Variants in ZNF518A observed in about 807,000 individuals in gnomAD.
The protein encoded by ZNF518A is zinc finger protein 518A.
In ZNF518A, 47 loss-of-function variants were observed where a neutral mutation model predicts 102.7. That is an observed-to-expected ratio of 0.46 (90% CI 0.36 to 0.58). The LOEUF (loss-of-function observed/expected upper bound fraction) is 0.58, where lower values mean the gene tolerates loss of function less well. Among genes scored for constraint, ZNF518A ranks in the 20% least tolerant of loss-of-function variants. The pLI, the probability that ZNF518A is intolerant of heterozygous loss-of-function variation, is 0.00. For missense variants in ZNF518A, 1,793 were observed against 1,699.8 expected (o/e 1.05, Z -0.96); for synonymous variants, 652 against 594.6 (o/e 1.10, Z -1.40).
intron 1 of ZNF518A, among the ~76,000 whole-genome samples, chr10:96,131,291 T>A (rs1377090885): frequency 1.3e-5 from 2 of 152,200 alleles, no homozygotes; most frequent in African/African-American, 4.8e-5. Context: ...GCAAGGGGTC[T>A]GATTTGAGTG....
intron 3 of ZNF518A, among the ~76,000 whole-genome samples, chr10:96,143,616 A>G (rs782741424): frequency 3.9e-5 from 6 of 152,192 alleles, no homozygotes; most frequent in Admixed American, 6.5e-5. Context: ...GTAGAAACCA[A>G]TGTGAGCTAG....
chr10:96,199,467 C>T (rs1331781543), intron 1 of ZNF518A: 1 of 459,316 alleles, frequency 2.2e-6, no homozygotes, highest in Non-Finnish European at 4.4e-6. Flanking sequence ...AGCACCAAGC[C>T]TTCCATAGAC....
Position 96,159,633 on chromosome 10 carries a change from C to T in ZNF518A, c.3311C>T (p.Ala1104Val). 2 of 1,613,748 alleles carry T rather than the reference C, an allele frequency of 1.2e-6. No homozygotes were observed. Among genetic ancestry groups the T allele is most frequent in the Non-Finnish European group, 1.7e-6 (2 of 1,179,762 alleles). Residue 1104 changes from alanine (A) to valine (V), a missense_variant, in exon 6 of 6, where the codon GCT becomes GTT. Physicochemically the swap from Ala to Val is moderately conservative, Grantham distance 64. This residue lies in a region of ZNF518A where 1,741 missense variants were observed against 1,622.6 expected (regional missense o/e 1.07). Transcript: ENST00000316045. ...ACCTTCTTGCCTGATGGCAAACAAG[C>T]TGTTTTTTTAAAGTGTGTGATGCCA... ...LYTFLPDGKQAVFLKCVMPNK... is the reference protein window; with the variant it reads ...LYTFLPDGKQVVFLKCVMPNK...
At chr10:96,151,783 T>A (rs2082461449) in intron 3 of ZNF518A, among the ~76,000 whole-genome samples, 1 of 152,242 alleles carries the variant, frequency 6.6e-6, no homozygotes, top group African/African-American at 2.4e-5. Context: ...AATGTTTTTC[T>A]AGTTCCTAGC....
At chr10:96,189,148 C>T (rs1228913527) in intron 1 of ZNF518A, among the ~76,000 whole-genome samples, 2 of 152,194 alleles carry the variant, frequency 1.3e-5, no homozygotes, top group African/African-American at 2.4e-5. Context: ...ACATTCCATA[C>T]ATATTTAAAA....
chr10:96,180,180 CTTTTTTTTTTTTT>C (rs60561670), intron 1 of ZNF518A, among the ~76,000 whole-genome samples: 2 of 96,282 alleles, frequency 2.1e-5, no homozygotes, highest in Non-Finnish European at 3.9e-5. Context: ...GCTCCAGCCT[CTTTTTTTTTTTTT>C]TTTTTTTTTT....
chr10:96,191,607 G>A (rs2083330974), intron 1 of ZNF518A: 1 of 197,694 alleles, frequency 5.1e-6, no homozygotes, highest in Non-Finnish European at 1.0e-5. Context: ...AGCTACATTA[G>A]TGTACCAATG....
At chr10:96,150,743 CT>C (rs10675397) in intron 3 of ZNF518A, among the ~76,000 whole-genome samples, 12 of 30,286 alleles carry the variant, frequency 4.0e-4, no homozygotes, top group South Asian at 5.3e-3. Context: ...TCTTTCTTTC[CT>C]TTTTTTTTTT....
chr10:96,160,243 T>C lies in ZNF518A; in HGVS notation c.3921T>C (p.Asp1307=). 1 of 1,613,340 alleles carries C rather than the reference T, an allele frequency of 6.2e-7. No homozygotes were observed. The highest frequency in any genetic ancestry group is 1.3e-5 in the African/African-American group (1 of 75,016). ...RKCKEKAKPE[D]VRETFGFSRP... is the part of the protein sequence containing the mutation. ...GTAAAGAAAAGGCAAAACCTGAAGA[T>C]GTCCGTGAAACATTTGGATTTAGCA... Residue 1307 remains aspartate (D), a synonymous_variant, in exon 6 of 6, where the codon GAT becomes GAC. Transcript: ENST00000316045.
intron 1 of ZNF518A, among the ~76,000 whole-genome samples, chr10:96,187,400 T>G (rs959767085): frequency 1.3e-5 from 2 of 152,186 alleles, no homozygotes; most frequent in African/African-American, 4.8e-5. Context: ...AGGAATTCAG[T>G]CCTTTTTTAA....
chr10:96,144,014 C>T (rs2082058670), intron 3 of ZNF518A, among the ~76,000 whole-genome samples: 1 of 152,064 alleles, frequency 6.6e-6, no homozygotes, highest in African/African-American at 2.4e-5. Flanking sequence ...TTAGACAGGT[C>T]TCGCTGTGTC....
intron 1 of ZNF518A, among the ~76,000 whole-genome samples, chr10:96,179,762 C>T (rs2083227381): frequency 6.6e-6 from 1 of 151,798 alleles, no homozygotes; most frequent in Non-Finnish European, 1.5e-5. Flanking sequence ...AATTCTTCTT[C>T]TTCTTCTTCT....
chr10:96,182,738 T>C (rs763845671), intron 1 of ZNF518A, among the ~76,000 whole-genome samples: 3 of 152,362 alleles, frequency 2.0e-5, no homozygotes, highest in African/African-American at 7.2e-5. Context: ...CAGTATTTTA[T>C]TGAGGATTTT....
chr10:96,204,641 A>G (rs782139837), downstream of ZNF518A: 8 of 1,610,462 alleles, frequency 5.0e-6, no homozygotes, highest in Non-Finnish European at 6.8e-6. Flanking sequence ...TTATCATATT[A>G]GGATTAGAGT....
chr10:96,192,096 G>C, intron 1 of ZNF518A: 1 of 1,613,482 alleles, frequency 6.2e-7, no homozygotes, highest in Non-Finnish European at 8.5e-7. Context: ...CAAAGTACTA[G>C]AGGAAGAAAA....
intron 3 of ZNF518A, among the ~76,000 whole-genome samples, chr10:96,141,136 G>A (rs1416528700): frequency 6.6e-6 from 1 of 152,218 alleles, no homozygotes; most frequent in Non-Finnish European, 1.5e-5. Flanking sequence ...TTAGGCACTT[G>A]TGTACCCAGC....
At chr10:96,193,469 CTTG>C (rs1190106414) in intron 1 of ZNF518A, among the ~76,000 whole-genome samples, 2 of 152,112 alleles carry the variant, frequency 1.3e-5, no homozygotes, top group African/African-American at 4.8e-5. Flanking sequence ...TGAGTATTGC[CTTG>C]TTGTGGTGTT....
At chr10:96,189,075 G>A (rs1470085558) in intron 1 of ZNF518A, among the ~76,000 whole-genome samples, 1 of 152,100 alleles carries the variant, frequency 6.6e-6, no homozygotes, top group East Asian at 1.9e-4. Flanking sequence ...TAGTTCACAT[G>A]TATATTTTTG....
rs2083610336 is a variant in ZNF518A at position 96,200,739 on chromosome 10, A to G, written n.36-2835A>G. Among the ~76,000 whole-genome samples the G allele has an allele frequency of 6.6e-6, 1 of 152,238 alleles. No homozygotes were observed. Among genetic ancestry groups the G allele is most frequent in the African/African-American group, 2.4e-5 (1 of 41,468 alleles). ...TTTAAATAAAATCTATGTGAGAGGA[A>G]GAATAATGAAAACACATTTCCTTGC... is the stretch of plus-strand genomic sequence containing the variant. On this transcript the variant is annotated intron_variant and non_coding_transcript_variant, in intron 1 of 2. Transcript: ENST00000442635. The surrounding 1 kb of genome is among the most constrained non-coding windows in gnomAD (Gnocchi z 4.3).
Sources: gnomAD v4.1 joint callset for allele counts (sites outside exome capture counted in the v4.1 genomes callset) on GRCh38, gnomAD v4.1.1 for gene constraint, gnomAD v4.1.1 regional missense constraint, Gnocchi (gnomAD v3.1) non-coding constraint, MANE v1.5 for transcripts, NCBI Gene and HGNC (gene_info 2026-07-23, HGNC 2026-07-21) for gene names.